Variants in PTPRE observed in about 807,000 individuals in gnomAD.
PTPRE encodes the protein receptor-type tyrosine-protein phosphatase epsilon.
A neutral mutation model predicts 102.0 loss-of-function variants in PTPRE; 51 were observed. The ratio of observed to expected loss-of-function variants is 0.50; its 90% CI spans 0.40 to 0.63. The LOEUF is 0.63. Ranked by LOEUF, PTPRE falls within the 30% of genes least tolerant of loss-of-function variation. The pLI, the probability that PTPRE is intolerant of heterozygous loss-of-function variation, is 0.00. For synonymous variants in PTPRE, 345 were observed against 348.2 expected (o/e 0.99, Z 0.10); for missense variants, 752 against 915.1 (o/e 0.82, Z 2.30).
intron 2 of PTPRE, among the ~76,000 whole-genome samples, chr10:128,006,675 G>A (rs769848186): frequency 2.0e-5 from 3 of 152,092 alleles, no homozygotes; most frequent in Non-Finnish European, 4.4e-5. Context: ...GCCAGACCTG[G>A]GGTACAGCAG....
At chr10:127,949,539 T>C (rs1848863631) in intron 1 of PTPRE, among the ~76,000 whole-genome samples, 1 of 152,184 alleles carries the variant, frequency 6.6e-6, no homozygotes, top group East Asian at 1.9e-4. Flanking sequence ...TCACCACTTA[T>C]AAAAGGCAAA....
Position 128,079,730 on chromosome 10 carries a change from G to A in PTPRE, c.2028+35G>A, listed in dbSNP as rs763187155. 1.4e-5 allele frequency: 23 copies of A among 1,588,020 alleles called. No individual in the cohort carries two copies. In the South Asian group the frequency reaches 2.3e-4, roughly 16 times the overall value. ...TGAATAAGGATGTTACCAGAAGAGT[G>A]GAGAATTATTTCATGTTGTATTTGA... On this transcript the variant is annotated intron_variant, in intron 20 of 20. Coordinates refer to ENST00000254667, the MANE Select transcript of PTPRE (RefSeq NM_006504.6).
At chr10:127,936,278 G>C (rs1439756093) in intron 1 of PTPRE, 1 of 152,150 alleles carries the variant, frequency 6.6e-6, no homozygotes, top group African/African-American at 2.4e-5. Context: ...CATGGGAGAG[G>C]CAACCCCACA....
intron 7 of PTPRE, among the ~76,000 whole-genome samples, chr10:128,059,589 A>G (rs1175852506): frequency 6.6e-6 from 1 of 152,016 alleles, no homozygotes; most frequent in East Asian, 1.9e-4. Flanking sequence ...CAGGAAGGAG[A>G]CCCTAAGCTT....
chr10:128,031,423 C>T (rs1456965638), intron 2 of PTPRE, among the ~76,000 whole-genome samples: 1 of 152,264 alleles, frequency 6.6e-6, no homozygotes, highest in Non-Finnish European at 1.5e-5. Context: ...CTGTTTCCAA[C>T]ATTCCCAACA....
At chr10:127,960,914 A>G (rs3932546) in intron 1 of PTPRE, among the ~76,000 whole-genome samples, 47,747 of 151,470 alleles carry the variant, frequency 0.32, 7,777 homozygotes, top group South Asian at 0.46. Context: ...CCAGCTACTC[A>G]GGAGGCTGAG....
At chr10:127,948,348 T>C (rs1848774152) in intron 1 of PTPRE, among the ~76,000 whole-genome samples, 1 of 152,172 alleles carries the variant, frequency 6.6e-6, no homozygotes, top group African/African-American at 2.4e-5. Context: ...CCCACTCTCA[T>C]TATCCTACAC....
At chr10:127,911,971 G>A (rs1295755861) in intron 1 of PTPRE, among the ~76,000 whole-genome samples, 4 of 152,100 alleles carry the variant, frequency 2.6e-5, no homozygotes, top group African/African-American at 7.2e-5. Flanking sequence ...AGAGTTGGTC[G>A]AATGTTACCA....
Position 127,915,879 on chromosome 10 carries a change from T to C in PTPRE, c.-31+8570T>C, listed in dbSNP as rs1183205586. ...TACAATGGGTTTATTGGGCATTGGG[T>C]ACATTTTAAACTTATGATATATTCT... On this transcript the variant is annotated intron_variant, in intron 1 of 20. Coordinates refer to ENST00000254667, the MANE Select transcript of PTPRE (RefSeq NM_006504.6). 3.7e-4 allele frequency among the ~76,000 whole-genome samples: 56 copies of C among 152,002 alleles called. 1 individual carries two copies. Among genetic ancestry groups the C allele is most frequent in the Admixed American group, 3.7e-3 (56 of 15,250 alleles).
At chr10:128,074,880 A>T (rs1331170673) in intron 17 of PTPRE, among the ~76,000 whole-genome samples, 1 of 152,200 alleles carries the variant, frequency 6.6e-6, no homozygotes, top group African/African-American at 2.4e-5. Context: ...CATTCCTACC[A>T]GCAATATATA....
At chr10:127,999,782 C>T in intron 2 of PTPRE, 24 of 985,392 alleles carry the variant, frequency 2.4e-5, no homozygotes, top group Non-Finnish European at 2.8e-5. Context: ...AGTGTGAGTG[C>T]CGGCAGCCGC....
At chr10:128,011,103 T>C (rs1050147461) in intron 2 of PTPRE, among the ~76,000 whole-genome samples, 2 of 152,202 alleles carry the variant, frequency 1.3e-5, no homozygotes, top group Admixed American at 1.3e-4. Flanking sequence ...GCCAATTTCC[T>C]GAACATGGCA....
intron 2 of PTPRE, among the ~76,000 whole-genome samples, chr10:128,009,719 G>A (rs1348179963): frequency 6.6e-6 from 1 of 152,226 alleles, no homozygotes; most frequent in African/African-American, 2.4e-5. Flanking sequence ...AAAGAATTCA[G>A]TCATTTAGGT....
chr10:127,941,100 G>T (rs545514782), intron 1 of PTPRE, among the ~76,000 whole-genome samples: 1 of 152,226 alleles, frequency 6.6e-6, no homozygotes, highest in Non-Finnish European at 1.5e-5. Context: ...CATGCAGGCC[G>T]CCTGGGATGG....
At chr10:128,036,165 A>G (rs1343150847) in intron 2 of PTPRE, among the ~76,000 whole-genome samples, 10 of 151,692 alleles carry the variant, frequency 6.6e-5, no homozygotes, top group Admixed American at 5.3e-4. Flanking sequence ...CCCCGAGCCC[A>G]GCCACCTTTT....
chr10:127,982,535 T>A (rs944922613), intron 2 of PTPRE, among the ~76,000 whole-genome samples: 11 of 149,700 alleles, frequency 7.3e-5, no homozygotes, highest in African/African-American at 2.7e-4. Flanking sequence ...TGTGTGAAAT[T>A]TGGCTCAGCT....
intron 1 of PTPRE, among the ~76,000 whole-genome samples, chr10:127,915,657 C>A (rs1351189580): frequency 6.6e-6 from 1 of 152,098 alleles, no homozygotes; most frequent in Admixed American, 6.6e-5. Flanking sequence ...CTGTGTTGTG[C>A]CAAGCCAGGC....
At chr10:127,923,448 G>C (rs1846761757) in intron 1 of PTPRE, among the ~76,000 whole-genome samples, 1 of 136,744 alleles carries the variant, frequency 7.3e-6, no homozygotes, top group East Asian at 2.2e-4. Context: ...CTGTTGCCCA[G>C]GCTGAAGTGC....
chr10:128,030,213 GCT>G (rs1484179096), intron 2 of PTPRE, among the ~76,000 whole-genome samples: 1 of 152,240 alleles, frequency 6.6e-6, no homozygotes, highest in East Asian at 1.9e-4. Context: ...CCGCAGCATG[GCT>G]GCTGCCCTGG....
Sources: allele counts gnomAD v4.1 joint callset (sites outside exome capture counted in the v4.1 genomes callset), GRCh38; gene constraint gnomAD v4.1.1; transcripts MANE v1.5; gene names NCBI Gene and HGNC (gene_info 2026-07-23, HGNC 2026-07-21).